The following MASP2 variants were observed in gnomAD, a reference collection of about 807,000 sequenced individuals.
The protein encoded by MASP2 is mannan-binding lectin serine protease 2.
Under a neutral mutation model 57.1 loss-of-function variants are expected in MASP2, and 49 were observed. The ratio of observed to expected loss-of-function variants is 0.86; its 90% CI spans 0.68 to 1.09. The LOEUF is 1.09. Ranked by LOEUF, MASP2 falls within the 50% of genes least tolerant of loss-of-function variation. The pLI, the probability that MASP2 is intolerant of heterozygous loss-of-function variation, is 0.00. For synonymous variants in MASP2, 379 were observed against 340.8 expected, an observed-to-expected ratio of 1.11 and a Z score of -1.24; for missense variants, 900 against 874.8, an observed-to-expected ratio of 1.03 and a Z score of -0.36.
At chr1:11,039,284 C>T (rs1293424395) in intron 6 of MASP2, among the ~76,000 whole-genome samples, 1 of 152,102 alleles carries the variant, frequency 6.6e-6, no homozygotes, top group Non-Finnish European at 1.5e-5. Flanking sequence ...GTTACATATC[C>T]CTAGTAGACA....
chr1:11,039,518 GATGA>G (rs1638351126), intron 6 of MASP2, among the ~76,000 whole-genome samples: 1 of 151,180 alleles, frequency 6.6e-6, no homozygotes, highest in African/African-American at 2.5e-5. Flanking sequence ...AGAATGAATG[GATGA>G]ATGGATGGAT....
At chr1:11,036,629 C>CT (rs748876362) in intron 7 of MASP2, among the ~76,000 whole-genome samples, 21,475 of 110,162 alleles carry the variant, frequency 0.19, 2,767 homozygotes, top group Middle Eastern at 0.26. Context: ...AAGTGTCTCT[C>CT]TTTTTTTTTT....
chr1:11,040,753 T>A (rs1365570714), intron 6 of MASP2, among the ~76,000 whole-genome samples: 3 of 122,034 alleles, frequency 2.5e-5, no homozygotes, highest in African/African-American at 9.6e-5. Context: ...ATGGGTAGAT[T>A]AATAGAAGAA....
chr1:11,030,353 G>A, intron 9 of MASP2, 103 bp from the exon 10 acceptor site: 1 of 754,846 alleles, frequency 1.3e-6, no homozygotes, highest in Non-Finnish European at 2.2e-6. Context: ...AGCATCAGTG[G>A]GACATAGAGG....
In MASP2 at chr1:11,032,588, G is replaced by A. The variant is rs1490139776; in HGVS notation, c.1088-1706C>T. Among the ~76,000 whole-genome samples the A allele has an allele frequency of 2.7e-5, 4 of 149,414 alleles. No individual in the cohort carries two copies. In the Admixed American group the frequency reaches 2.7e-4, roughly 10 times the overall value. On this transcript the variant is annotated intron_variant, in intron 8 of 10. Transcript: ENST00000400897. ...ATTGTGCCACTGCACTCCAGCCTGG[G>A]TGACAGAATGAGACCCCGTCAAAAA...
At chr1:11,045,848 C>G in intron 3 of MASP2, 1 of 419,094 alleles carries the variant, frequency 2.4e-6, no homozygotes, top group Non-Finnish European at 4.4e-6. Context: ...AGCGCTGAAC[C>G]CTTGCAGCAG....
chr1:11,032,795 G>T (rs1281446536), intron 8 of MASP2, among the ~76,000 whole-genome samples: 1 of 151,664 alleles, frequency 6.6e-6, no homozygotes, highest in Non-Finnish European at 1.5e-5. Flanking sequence ...TGTAATCCCA[G>T]CTATTTGGGA....
intron 8 of MASP2, among the ~76,000 whole-genome samples, chr1:11,033,435 A>G (rs970112469): frequency 3.3e-5 from 5 of 152,158 alleles, no homozygotes; most frequent in African/African-American, 1.2e-4. Context: ...GCCTGAGCTC[A>G]GGAGTTCAAG....
In MASP2 at chr1:11,027,244, C is replaced by G. The variant is rs151221694; in HGVS notation, c.1702G>C (p.Gly568Arg). 7.4e-6 allele frequency: 12 copies of G among 1,614,068 alleles called. No individual in the cohort carries two copies. In the African/African-American group the frequency reaches 1.3e-4, roughly 18 times the overall value. Reference protein sequence around the residue: ...AESFMRTDDIGTASGWGLTQR... With the variant: ...AESFMRTDDIRTASGWGLTQR... ...GTTAATCCCCATCCAGATGCAGTTC[C>G]AATGTCATCTGTCCTCATAAAGGAT... The change falls in exon 11 of 11, where the codon GGA (glycine) becomes CGA (arginine). Residue 568 changes from glycine to arginine, a missense_variant. Transcript: ENST00000400897.
Position 11,026,702 on chromosome 1 carries a change from G to A in MASP2, c.*183C>T. The A allele has an allele frequency of 2.2e-6, 1 of 453,040 alleles. No homozygotes were observed. The highest frequency in any genetic ancestry group is 3.8e-6 in the Non-Finnish European group (1 of 265,020). The allele number at this position is 453,040 out of a possible 1,614,324, so 28.1% of individuals were successfully genotyped here. A position where few individuals can be genotyped will look rare whatever the true frequency, so the allele number is the denominator to read the frequency against. On this transcript the variant is annotated 3_prime_UTR_variant, in exon 11 of 11. Coordinates refer to ENST00000400897, the MANE Select transcript of MASP2 (RefSeq NM_006610.4). ...GGTTTATGTCCCCTTGAGTCAATGG[G>A]TAAGGCTGGAATTAAACTGGCAAGT...
intron 4 of MASP2, chr1:11,045,057 C>T (rs1638584688): frequency 9.2e-7 from 1 of 1,084,446 alleles, no homozygotes; most frequent in African/African-American, 1.5e-5. Flanking sequence ...CGCCCCAGAG[C>T]ACTGGCCCGT....
intron 4 of MASP2, 42 bp downstream of exon 4, chr1:11,045,363 GTAT>G: frequency 6.2e-7 from 1 of 1,610,974 alleles, no homozygotes; most frequent in South Asian, 1.1e-5. Context: ...GGAGCCCCGG[GTAT>G]CCCAGGAGAG....
At chr1:11,043,838 G>A (rs1012844136) in intron 4 of MASP2, among the ~76,000 whole-genome samples, 6 of 151,898 alleles carry the variant, frequency 4.0e-5, no homozygotes, top group Non-Finnish European at 7.4e-5. Flanking sequence ...CCCAGGGAGC[G>A]TGGTGGTGTC....
At chr1:11,043,279 G>T in intron 5 of MASP2, 60 bp downstream of exon 5, 1 of 1,419,314 alleles carries the variant, frequency 7.0e-7, no homozygotes, top group East Asian at 2.4e-5. Flanking sequence ...CAGGAAGTAG[G>T]GGGTGCAGCT....
At chr1:11,030,910 T>A in intron 8 of MASP2, 28 bp from the exon 9 acceptor site, 1 of 1,598,774 alleles carries the variant, frequency 6.3e-7, no homozygotes, top group Non-Finnish European at 8.5e-7. Context: ...GAGGGAGGAA[T>A]CCATTGATCA....
chr1:11,030,589 A>C, intron 9 of MASP2, 159 bp downstream of exon 9: 1 of 780,310 alleles, frequency 1.3e-6, no homozygotes, highest in Non-Finnish European at 2.0e-6. Flanking sequence ...ATTGACATTA[A>C]AGTCACTTTA....
intron 6 of MASP2, among the ~76,000 whole-genome samples, chr1:11,040,182 T>C (rs1358812553): frequency 6.6e-6 from 1 of 151,650 alleles, no homozygotes; most frequent in Non-Finnish European, 1.5e-5. Context: ...GAAGGATGGA[T>C]GGATGGGGCT....
In MASP2 at chr1:11,027,476, A is replaced by C. The variant is rs750359413; in HGVS notation, c.1470T>G (p.His490Gln). 31 of 1,614,030 alleles carry C rather than the reference A, an allele frequency of 1.9e-5. No individual in the cohort carries two copies. The highest frequency in any genetic ancestry group is 4.2e-6 in the Non-Finnish European group (5 of 1,180,038). The stretch of plus-strand genomic sequence containing the variant: ...TTCGAATGTCCAGGGCGGATGCATC[A>C]TGTTTTTGCTCATAGACGGCATGAG... ...TAAHAVYEQK[H>Q]DASALDIRMG... The change falls in exon 11 of 11, where the codon CAT becomes CAG. Residue 490 changes from histidine (H) to glutamine (Q), a missense_variant. Coordinates refer to ENST00000400897, the MANE Select transcript of MASP2 (RefSeq NM_006610.4).
chr1:11,030,102 A>T, intron 10 of MASP2, 74 bp downstream of exon 10: 1 of 1,072,706 alleles, frequency 9.3e-7, no homozygotes, highest in South Asian at 1.4e-5. Flanking sequence ...CCACAGCTAA[A>T]GCTCTCCTCA....
Sources: allele counts gnomAD v4.1 joint callset (sites outside exome capture counted in the v4.1 genomes callset), GRCh38; gene constraint gnomAD v4.1.1; transcripts MANE v1.5; gene names NCBI Gene and HGNC (gene_info 2026-07-23, HGNC 2026-07-21).